The following ANKRD33B variants were observed in gnomAD, a reference collection of about 807,000 sequenced individuals.
ANKRD33B encodes the protein ankyrin repeat domain 33B.
In ANKRD33B, 6 loss-of-function variants were observed where a neutral mutation model predicts 21.5. That is an observed-to-expected ratio of 0.28 (90% CI 0.15 to 0.55). ANKRD33B has a LOEUF of 0.55. Ranked by LOEUF, ANKRD33B falls within the 20% of genes least tolerant of loss-of-function variation. ANKRD33B has a pLI of 0.94. For synonymous variants in ANKRD33B, 347 were observed against 342.4 expected (o/e 1.01, Z -0.15); for missense variants, 698 against 747.2 (o/e 0.93, Z 0.77).
In ANKRD33B at chr5:10,657,734, T is replaced by G. The variant is rs1737527363; in HGVS notation, c.*7621T>G. 6.6e-6 allele frequency: 1 copy of G among 152,350 alleles called. No individual in the cohort carries two copies. Among genetic ancestry groups the G allele is most frequent in the Non-Finnish European group, 1.5e-5 (1 of 68,036 alleles). The allele number at this position is 152,350 out of a possible 1,614,324, so 9.4% of individuals were successfully genotyped here. A position where few individuals can be genotyped will look rare whatever the true frequency, so the allele number is the denominator to read the frequency against. ...CTTCTAACAAATTATGTATCTAATGTTTAAAAAATATGGAAAAAAGGGATA... is the reference window on the plus strand; with the variant it reads ...CTTCTAACAAATTATGTATCTAATGGTTAAAAAATATGGAAAAAAGGGATA... On this transcript the variant is annotated 3_prime_UTR_variant, in exon 4 of 4. Coordinates refer to ENST00000296657, the MANE Select transcript of ANKRD33B (RefSeq NM_001164440.2).
At chr5:10,644,627 CTT>C (rs1737149425) in intron 3 of ANKRD33B, among the ~76,000 whole-genome samples, 1 of 152,220 alleles carries the variant, frequency 6.6e-6, no homozygotes. Flanking sequence ...GAGGGTTGCT[CTT>C]GTCTCAGGGA....
chr5:10,632,942 C>T (rs1736762016), intron 2 of ANKRD33B, among the ~76,000 whole-genome samples: 1 of 151,930 alleles, frequency 6.6e-6, no homozygotes, highest in African/African-American at 2.4e-5. Context: ...CACCCGCCAC[C>T]ACTCCCAGCT....
At chr5:10,579,776 A>G (rs1478387507) in intron 1 of ANKRD33B, among the ~76,000 whole-genome samples, 6 of 152,198 alleles carry the variant, frequency 3.9e-5, no homozygotes, top group African/African-American at 1.4e-4. Context: ...GCATAGTAAA[A>G]GGAAGCAATT....
intron 2 of ANKRD33B, among the ~76,000 whole-genome samples, chr5:10,634,415 GTCCGATTCCAT>G: frequency 6.6e-6 from 1 of 151,674 alleles, no homozygotes; most frequent in Non-Finnish European, 1.5e-5. Flanking sequence ...CAGGAACCAA[GTCCGATTCCAT>G]AATGTCCAAG....
intron 2 of ANKRD33B, chr5:10,624,584 T>G: frequency 2.7e-6 from 1 of 372,020 alleles, no homozygotes. Flanking sequence ...GGGACTGAAT[T>G]GTTGAGGTTG....
chr5:10,650,054 A>C lies in ANKRD33B; in HGVS notation c.1426A>C (p.Lys476Gln). The C allele has an allele frequency of 6.5e-7, 1 of 1,531,064 alleles. No homozygotes were observed. Among genetic ancestry groups the C allele is most frequent in the Non-Finnish European group, 8.7e-7 (1 of 1,143,608 alleles). The allele number at this position is 1,531,064 out of a possible 1,614,324, so 94.8% of individuals were successfully genotyped here. A position where few individuals can be genotyped will look rare whatever the true frequency, so the allele number is the denominator to read the frequency against. ...GAGGAAGGCAGAGGAGGCCGAAAAG[A>C]AGCGCCAGGCCGAGGCGCAGAAGGA... ...EKRKAEEAEK[K>Q]RQAEAQKERR... The change falls in exon 4 of 4, where the codon AAG (lysine) becomes CAG (glutamine). Residue 476 changes from lysine to glutamine, a missense_variant. Around this residue, in one of 3 missense-constraint regions of ANKRD33B, gnomAD observed 543 missense variants for 566.5 expected, o/e 0.96. Transcript: ENST00000296657.
intron 1 of ANKRD33B, among the ~76,000 whole-genome samples, chr5:10,615,405 T>G (rs975654607): frequency 6.6e-6 from 1 of 152,206 alleles, no homozygotes; most frequent in Non-Finnish European, 1.5e-5. Context: ...CAGGTTTTAC[T>G]CATGAGAAAG....
chr5:10,619,211 G>A lies in ANKRD33B; in HGVS notation c.496+749G>A. 1.4e-6 allele frequency: 1 copy of A among 728,208 alleles called. No individual in the cohort carries two copies. 45.1% of individuals were successfully genotyped at this position (728,208 alleles called of 1,614,324 possible). A position where few individuals can be genotyped will look rare whatever the true frequency, so the allele number is the denominator to read the frequency against. The stretch of plus-strand genomic sequence containing the variant: ...TTCTTTGCCTCCAAAGATTCTGTCT[G>A]TTTCATCGGTCAAGTTCTCAGTTGC... On this transcript the variant is annotated intron_variant, in intron 2 of 3. Coordinates refer to ENST00000296657, the MANE Select transcript of ANKRD33B (RefSeq NM_001164440.2). This position sits in a 1 kb window ranked among gnomAD's most constrained non-coding sequence, Gnocchi z 4.5.
At chr5:10,645,000 T>A (rs867694046) in intron 3 of ANKRD33B, among the ~76,000 whole-genome samples, 29 of 152,182 alleles carry the variant, frequency 1.9e-4, no homozygotes, top group African/African-American at 6.5e-4. Context: ...GGAAAAGATA[T>A]CGCAGAGATG....
chr5:10,577,991 G>A (rs1352991574), intron 1 of ANKRD33B, among the ~76,000 whole-genome samples: 1 of 152,214 alleles, frequency 6.6e-6, no homozygotes, highest in African/African-American at 2.4e-5. Flanking sequence ...GTTTCAGGAA[G>A]CTGGCACAGC....
chr5:10,564,883 C>T (rs1412610581), intron 1 of ANKRD33B, 50 bp downstream of exon 1: 1 of 1,454,164 alleles, frequency 6.9e-7, no homozygotes, highest in South Asian at 1.4e-5. Context: ...CCCCCACTCC[C>T]CTCCTCCCCA....
At position 10,650,186 on chromosome 5, in the gene ANKRD33B, G is replaced by A; in HGVS notation, c.*73G>A. On this transcript the variant is annotated 3_prime_UTR_variant, in exon 4 of 4. Transcript: ENST00000296657. ...CCGCAGGGCTGGGCGCGGAGAAGGA[G>A]GCGGCCCCGTTGCGCATCGCACCAC... 1 of 1,379,310 alleles carries A rather than the reference G, an allele frequency of 7.3e-7. No individual in the cohort carries two copies. Among genetic ancestry groups the A allele is most frequent in the Non-Finnish European group, 9.4e-7 (1 of 1,067,332 alleles). 85.4% of individuals were successfully genotyped at this position (1,379,310 alleles called of 1,614,324 possible).
chr5:10,585,407 T>C (rs1342686383), intron 1 of ANKRD33B, among the ~76,000 whole-genome samples: 1 of 152,244 alleles, frequency 6.6e-6, no homozygotes, highest in East Asian at 1.9e-4. Flanking sequence ...TGCTGATCTG[T>C]GGTCCTTAAC....
At chr5:10,600,174 T>G (rs950190926) in intron 1 of ANKRD33B, among the ~76,000 whole-genome samples, 1 of 152,276 alleles carries the variant, frequency 6.6e-6, no homozygotes, top group Non-Finnish European at 1.5e-5. Flanking sequence ...CTTTTTCTGC[T>G]ATCATTACTT....
At chr5:10,597,749 C>T (rs540706135) in intron 1 of ANKRD33B, among the ~76,000 whole-genome samples, 2 of 152,340 alleles carry the variant, frequency 1.3e-5, no homozygotes, top group East Asian at 3.9e-4. Flanking sequence ...CTCATCACTA[C>T]ATGGCACTTA....
intron 1 of ANKRD33B, among the ~76,000 whole-genome samples, chr5:10,590,447 T>C (rs1735656470): frequency 6.6e-6 from 1 of 152,242 alleles, no homozygotes; most frequent in Non-Finnish European, 1.5e-5. Flanking sequence ...TATAGAAATA[T>C]GGCCTGGGCA....
chr5:10,583,214 G>A (rs763806989), intron 1 of ANKRD33B, among the ~76,000 whole-genome samples: 12 of 152,222 alleles, frequency 7.9e-5, no homozygotes, highest in South Asian at 4.2e-4. Flanking sequence ...GGCCAGGCTG[G>A]TCTTGAACTC....
intron 2 of ANKRD33B, among the ~76,000 whole-genome samples, chr5:10,618,993 G>A (rs1040016296): frequency 6.6e-6 from 1 of 152,106 alleles, no homozygotes; most frequent in East Asian, 1.9e-4. Context: ...CAAGCATGTG[G>A]CCCTCAGCCC....
At chr5:10,575,571 A>T (rs1272411490) in intron 1 of ANKRD33B, among the ~76,000 whole-genome samples, 1 of 152,120 alleles carries the variant, frequency 6.6e-6, no homozygotes, top group Non-Finnish European at 1.5e-5. Context: ...CCCCTATTTA[A>T]GTTGGAGAGC....
Sources: gnomAD v4.1 joint callset for allele counts (sites outside exome capture counted in the v4.1 genomes callset) on GRCh38, gnomAD v4.1.1 for gene constraint, gnomAD v4.1.1 regional missense constraint, Gnocchi (gnomAD v3.1) non-coding constraint, MANE v1.5 for transcripts, NCBI Gene and HGNC (gene_info 2026-07-23, HGNC 2026-07-21) for gene names.